PTPRF: variants seen among roughly 807,000 people sequenced by gnomAD.
PTPRF encodes receptor-type tyrosine-protein phosphatase F.
Under a neutral mutation model 201.8 loss-of-function variants are expected in PTPRF, and 59 were observed. That is an observed-to-expected ratio of 0.29 (90% CI 0.24 to 0.36). The LOEUF (loss-of-function observed/expected upper bound fraction) is 0.36, where lower values mean the gene tolerates loss of function less well. Ranked by LOEUF, PTPRF falls within the 10% of genes least tolerant of loss-of-function variation. The pLI, the probability that PTPRF is intolerant of heterozygous loss-of-function variation, is 1.00. For synonymous variants in PTPRF, 1,088 were observed against 1,089.7 expected (o/e 1.00, Z 0.03); for missense variants, 2,132 against 2,690.5 (o/e 0.79, Z 4.59).
chr1:43,525,972 C>A (rs1643091544), upstream of PTPRF, among the ~76,000 whole-genome samples: 1 of 151,904 alleles, frequency 6.6e-6, no homozygotes, highest in Non-Finnish European at 1.5e-5. Context: ...CTCTCCCACT[C>A]TGGAGAGGCG....
In PTPRF at chr1:43,603,590, G is replaced by C; in HGVS notation, c.2459-21G>C. The C allele has an allele frequency of 6.2e-7, 1 of 1,612,542 alleles. No individual in the cohort carries two copies. Among genetic ancestry groups the C allele is most frequent in the Non-Finnish European group, 8.5e-7 (1 of 1,179,152 alleles). On this transcript the variant is annotated intron_variant, in intron 15 of 33. Transcript: ENST00000359947. This position sits in a 1 kb window ranked among gnomAD's most constrained non-coding sequence, Gnocchi z 5.8. ...GGGGCAGCAGGAGGGCAGCGCCAGAGCCCAGCCCGTGGTCCTTCAGTCCCA... is the reference window on the plus strand; with the variant it reads ...GGGGCAGCAGGAGGGCAGCGCCAGACCCCAGCCCGTGGTCCTTCAGTCCCA...
At chr1:43,552,651 T>C (rs1645110115) in intron 3 of PTPRF, among the ~76,000 whole-genome samples, 1 of 152,190 alleles carries the variant, frequency 6.6e-6, no homozygotes, top group South Asian at 2.1e-4. Flanking sequence ...AACGAGCTAT[T>C]GCTACAAGAT....
chr1:43,570,453 T>C (rs1646492170), intron 6 of PTPRF, among the ~76,000 whole-genome samples: 1 of 152,380 alleles, frequency 6.6e-6, no homozygotes, highest in African/African-American at 2.4e-5. Context: ...GCATTCTGCA[T>C]CTGCTGCCAG....
At chr1:43,575,896 A>G in intron 6 of PTPRF, 1 of 1,361,670 alleles carries the variant, frequency 7.3e-7, no homozygotes, top group Non-Finnish European at 9.8e-7. Context: ...TTTGCATTCA[A>G]ATTACCTCGC....
At chr1:43,547,671 T>C (rs1028904399) in intron 3 of PTPRF, among the ~76,000 whole-genome samples, 51 of 152,228 alleles carry the variant, frequency 3.4e-4, no homozygotes, top group African/African-American at 1.2e-3. Flanking sequence ...TGTGTTTCAA[T>C]AGGCCTCTTA....
chr1:43,598,838 C>T lies in PTPRF; in HGVS notation c.2238C>T (p.Val746=). The change falls in exon 13 of 34, where the codon GTC becomes GTT. Residue 746 remains valine (V), a synonymous_variant. Transcript: ENST00000359947. Reference sequence around the variant, plus strand: ...ATGGCCAGATCCGCGGCTACCAGGTCACCTACGTGCGGCTGGAGAATGGCG... The same window carrying T: ...ATGGCCAGATCCGCGGCTACCAGGTTACCTACGTGCGGCTGGAGAATGGCG... ...KQHGQIRGYQ[V]TYVRLENGEP... 1.9e-6 allele frequency: 3 copies of T among 1,614,210 alleles called. No individual in the cohort carries two copies. Among genetic ancestry groups the T allele is most frequent in the Non-Finnish European group, 1.7e-6 (2 of 1,180,024 alleles).
At chr1:43,549,748 G>T (rs1212727765) in intron 3 of PTPRF, among the ~76,000 whole-genome samples, 1 of 152,034 alleles carries the variant, frequency 6.6e-6, no homozygotes, top group African/African-American at 2.4e-5. Context: ...CCAGCTACTC[G>T]GGAGGCTGAG....
intron 7 of PTPRF, among the ~76,000 whole-genome samples, chr1:43,583,605 G>A (rs1289290568): frequency 6.6e-6 from 1 of 152,184 alleles, no homozygotes; most frequent in African/African-American, 2.4e-5. Flanking sequence ...GTATCCTGCA[G>A]CACAGGGCAA....
Position 43,623,431 on chromosome 1 carries a change from G to T in PTPRF, c.*1428G>T, listed in dbSNP as rs1229065870. The T allele has an allele frequency of 1.3e-5, 2 of 152,606 alleles. No homozygotes were observed. The highest frequency in any genetic ancestry group is 2.9e-5 in the Non-Finnish European group (2 of 68,036). 9.5% of individuals were successfully genotyped at this position (152,606 alleles called of 1,614,324 possible). On this transcript the variant is annotated 3_prime_UTR_variant, in exon 34 of 34. Coordinates refer to ENST00000359947, the MANE Select transcript of PTPRF (RefSeq NM_002840.5). ...AAGTGGGGGCGGGGAAGGGTGCATAGCTGTTTTAGCTGAGGGACGTGGTGC... is the reference window on the plus strand; with the variant it reads ...AAGTGGGGGCGGGGAAGGGTGCATATCTGTTTTAGCTGAGGGACGTGGTGC...
intron 22 of PTPRF, among the ~76,000 whole-genome samples, chr1:43,610,220 C>G (rs979811432): frequency 6.6e-6 from 1 of 152,200 alleles, no homozygotes; most frequent in Non-Finnish European, 1.5e-5. Flanking sequence ...TTGTCATCCC[C>G]CATCCCTTGT....
Position 43,605,520 on chromosome 1 carries a change from C to A in PTPRF, c.3390-9C>A. 1 of 1,613,984 alleles carries A rather than the reference C, an allele frequency of 6.2e-7. No homozygotes were observed. Among genetic ancestry groups the A allele is most frequent in the Non-Finnish European group, 8.5e-7 (1 of 1,179,892 alleles). On this transcript the variant is annotated splice_polypyrimidine_tract_variant and intron_variant, in intron 18 of 33. Transcript: ENST00000359947. ...AGTGACAGTCCTGATTCCTGCCCTG[C>A]CCACCCAGGTGGTTCTACATTGTTG... is the stretch of plus-strand genomic sequence containing the variant.
intron 1 of PTPRF, among the ~76,000 whole-genome samples, chr1:43,536,405 C>T (rs1167513956): frequency 6.6e-6 from 1 of 152,188 alleles, no homozygotes; most frequent in African/African-American, 2.4e-5. Context: ...TCTAAAATGG[C>T]CCCTGGCCAC....
At chr1:43,616,197 C>T (rs1209603926) in intron 23 of PTPRF, among the ~76,000 whole-genome samples, 1 of 150,866 alleles carries the variant, frequency 6.6e-6, no homozygotes, top group Non-Finnish European at 1.5e-5. Context: ...CTGAGAACTT[C>T]AGATAGTATC....
intron 1 of PTPRF, among the ~76,000 whole-genome samples, chr1:43,535,341 C>T (rs900182928): frequency 3.9e-5 from 6 of 152,064 alleles, no homozygotes; most frequent in East Asian, 1.9e-4. Flanking sequence ...AAGGGGCAGC[C>T]TTGGGGTATT....
At position 43,537,692 on chromosome 1, in the gene PTPRF, A is replaced by T. The variant is rs1005635518; in HGVS notation, c.-125-506A>T. Among the ~76,000 whole-genome samples, 8 of 152,236 alleles carry T rather than the reference A, an allele frequency of 5.3e-5. No homozygotes were observed. Among genetic ancestry groups the T allele is most frequent in the African/African-American group, 1.9e-4 (8 of 41,462 alleles). ...AAAGTGCCACTGGACTTGAGATCCG[A>T]GGGTAAGTTGGCCAGAAGAGCATGG... On this transcript the variant is annotated intron_variant, in intron 1 of 33. Coordinates refer to ENST00000359947, the MANE Select transcript of PTPRF (RefSeq NM_002840.5). This position sits in a 1 kb window ranked among gnomAD's most constrained non-coding sequence, Gnocchi z 4.8.
chr1:43,540,082 T>C (rs1644267805), intron 2 of PTPRF, among the ~76,000 whole-genome samples: 1 of 152,184 alleles, frequency 6.6e-6, no homozygotes, highest in African/African-American at 2.4e-5. Flanking sequence ...CTCAGCACCA[T>C]TGACATTTTG....
In PTPRF at chr1:43,581,976, C is replaced by T. The variant is rs552710148; in HGVS notation, c.679+3056C>T. On this transcript the variant is annotated intron_variant, in intron 7 of 33. Transcript: ENST00000359947. The stretch of plus-strand genomic sequence containing the variant: ...TGCCAGTGGCACCCCTCAGTCAAAA[C>T]AAACGTTGCAACGTGTCACCTGGGG... Among the ~76,000 whole-genome samples, 407 of 152,300 alleles carry T rather than the reference C, an allele frequency of 2.7e-3. 4 individuals carry two copies. Among genetic ancestry groups the T allele is most frequent in the African/African-American group, 9.5e-3 (396 of 41,562 alleles).
At chr1:43,566,872 G>C (rs1192484854) in intron 5 of PTPRF, among the ~76,000 whole-genome samples, 1 of 152,178 alleles carries the variant, frequency 6.6e-6, no homozygotes, top group Non-Finnish European at 1.5e-5. Context: ...AGGCTCTGGC[G>C]GCAGTGCCTG....
At chr1:43,569,128 CTG>C (rs1042194431) in intron 5 of PTPRF, among the ~76,000 whole-genome samples, 10 of 152,194 alleles carry the variant, frequency 6.6e-5, no homozygotes, top group African/African-American at 1.4e-4. Context: ...GAAGGGAACA[CTG>C]TGTGTGCGGA....
Sources: allele counts gnomAD v4.1 joint callset (sites outside exome capture counted in the v4.1 genomes callset), GRCh38; gene constraint gnomAD v4.1.1; non-coding constraint Gnocchi (gnomAD v3.1); transcripts MANE v1.5; gene names NCBI Gene and HGNC (gene_info 2026-07-23, HGNC 2026-07-21).